The following CSMD1 variants were observed in gnomAD, a reference collection of about 807,000 sequenced individuals.
CSMD1 encodes CUB and sushi domain-containing protein 1.
In CSMD1, 213 loss-of-function variants were observed where a neutral mutation model predicts 417.5. The ratio of observed to expected loss-of-function variants is 0.51; its 90% CI spans 0.46 to 0.57. CSMD1 has a LOEUF of 0.57. CSMD1 is among the 20% of genes least tolerant of loss of function. The probability of loss-of-function intolerance (pLI) is 0.00; values close to 1 mark genes in which losing one functional copy is unlikely to be tolerated. For synonymous variants in CSMD1, 2,862 were observed against 1,736.8 expected, an observed-to-expected ratio of 1.65 and a Z score of -16.11; for missense variants, 6,923 against 4,529.7, an observed-to-expected ratio of 1.53 and a Z score of -15.17.
intron 1 of CSMD1, among the ~76,000 whole-genome samples, chr8:4,853,144 C>G (rs1203286291): frequency 6.6e-6 from 1 of 152,176 alleles, no homozygotes; most frequent in South Asian, 2.1e-4. Flanking sequence ...GGCTATGGAG[C>G]AAACACTTTC....
At chr8:4,657,423 T>C (rs1397836591) in intron 1 of CSMD1, among the ~76,000 whole-genome samples, 2 of 152,184 alleles carry the variant, frequency 1.3e-5, no homozygotes, top group Non-Finnish European at 2.9e-5. Flanking sequence ...CTTCCCTCTC[T>C]GTCTCTCTTT....
intron 5 of CSMD1, among the ~76,000 whole-genome samples, chr8:3,910,725 T>C (rs1218228714): frequency 2.0e-5 from 3 of 152,208 alleles, no homozygotes; most frequent in African/African-American, 4.8e-5. Context: ...ATTAAGGATA[T>C]AAAAACACAA....
intron 5 of CSMD1, among the ~76,000 whole-genome samples, chr8:3,941,903 G>A (rs1055089633): frequency 6.6e-6 from 1 of 152,094 alleles, no homozygotes; most frequent in African/African-American, 2.4e-5. Flanking sequence ...TAGGAATTGG[G>A]CCATACAGCA....
chr8:4,522,849 G>C (rs1014657541), intron 2 of CSMD1, among the ~76,000 whole-genome samples: 8 of 152,112 alleles, frequency 5.3e-5, no homozygotes, highest in Non-Finnish European at 8.8e-5. Context: ...TCCTTTTCAG[G>C]GAACCATGCC....
At chr8:4,748,321 G>C (rs1340780652) in intron 1 of CSMD1, among the ~76,000 whole-genome samples, 1 of 152,236 alleles carries the variant, frequency 6.6e-6, no homozygotes, top group African/African-American at 2.4e-5. Flanking sequence ...TGCACCATCT[G>C]AGTTGGAAAT....
intron 10 of CSMD1, among the ~76,000 whole-genome samples, chr8:3,554,881 TGA>T (rs1799075874): frequency 1.3e-5 from 2 of 152,124 alleles, no homozygotes; most frequent in South Asian, 4.2e-4. Flanking sequence ...CCTGCAGTGG[TGA>T]GAGTGTCACT....
chr8:4,910,741 C>A (rs6558937), intron 1 of CSMD1, among the ~76,000 whole-genome samples: 1 of 152,140 alleles, frequency 6.6e-6, no homozygotes, highest in African/African-American at 2.4e-5. Context: ...TAATAAAGCA[C>A]ATAATTATAT....
rs961158629 is a variant in CSMD1, at chr8:3,182,360, A to G, written c.5621-1146T>C. Among the ~76,000 whole-genome samples, 7 of 152,238 alleles carry G rather than the reference A, an allele frequency of 4.6e-5. No homozygotes were observed. The East Asian group carries it at 1.2e-3, about 25-fold the overall frequency. On this transcript the variant is annotated intron_variant, in intron 36 of 69. Transcript: ENST00000635120. Reference sequence around the variant, plus strand: ...TTCCCAAGTAGCTGAGATTACAGGCATGCTCCACCATGTCCTGCTAAGTTT... The same window carrying G: ...TTCCCAAGTAGCTGAGATTACAGGCGTGCTCCACCATGTCCTGCTAAGTTT...
intron 3 of CSMD1, among the ~76,000 whole-genome samples, chr8:4,357,247 G>A (rs1225851364): frequency 6.6e-6 from 1 of 152,138 alleles, no homozygotes; most frequent in Admixed American, 6.6e-5. Flanking sequence ...GCTAGAATTA[G>A]AGGTTCAGGG....
chr8:3,042,712 T>A (rs146103058), intron 50 of CSMD1, among the ~76,000 whole-genome samples: 67 of 152,282 alleles, frequency 4.4e-4, no homozygotes, highest in African/African-American at 1.5e-3. Context: ...AGGTTTGTTA[T>A]AAGAGCTCAG....
intron 25 of CSMD1, among the ~76,000 whole-genome samples, chr8:3,291,152 G>T (rs537169773): frequency 1.3e-5 from 2 of 152,182 alleles, no homozygotes; most frequent in African/African-American, 4.8e-5. Flanking sequence ...TGTTGAAGCA[G>T]CCTTGCATCC....
intron 3 of CSMD1, among the ~76,000 whole-genome samples, chr8:4,270,787 G>A (rs547981886): frequency 6.6e-6 from 1 of 152,232 alleles, no homozygotes; most frequent in East Asian, 1.9e-4. Flanking sequence ...AGGGGGCTGT[G>A]GCTTCCTTCC....
intron 3 of CSMD1, among the ~76,000 whole-genome samples, chr8:4,045,996 T>A (rs368461533): frequency 1.3e-5 from 2 of 152,280 alleles, no homozygotes; most frequent in South Asian, 4.1e-4. Context: ...TAATTCAAAA[T>A]AATGGTTCTA....
chr8:4,923,582 C>T (rs775124079), intron 1 of CSMD1, among the ~76,000 whole-genome samples: 4 of 143,444 alleles, frequency 2.8e-5, no homozygotes, highest in Non-Finnish European at 4.8e-5. Context: ...AAAATGAAGC[C>T]CTTGTGATAA....
intron 3 of CSMD1, among the ~76,000 whole-genome samples, chr8:4,109,206 G>C (rs995793380): frequency 3.3e-5 from 5 of 152,056 alleles, no homozygotes; most frequent in Admixed American, 6.6e-5. Flanking sequence ...AAAAAATCCT[G>C]AATATTTTCG....
rs553928594 is a variant in CSMD1, at chr8:3,027,316, C to T, written c.7855+2003G>A. Among the ~76,000 whole-genome samples, 131 of 152,192 alleles carry T rather than the reference C, an allele frequency of 8.6e-4. 1 individual carries two copies. In the South Asian group the frequency reaches 0.025, roughly 29 times the overall value. On this transcript the variant is annotated intron_variant, in intron 51 of 69. Transcript: ENST00000635120. The stretch of plus-strand genomic sequence containing the variant: ...TTCTCTGATACCATTCTCCACCAGA[C>T]GATACCAGGGCTTTTTGGAGAACAA...
chr8:2,971,199 A>G (rs1304916082), intron 57 of CSMD1, among the ~76,000 whole-genome samples: 1 of 152,154 alleles, frequency 6.6e-6, no homozygotes, highest in Admixed American at 6.6e-5. Context: ...AAGCTCTTGG[A>G]CATATTTTTA....
intron 3 of CSMD1, among the ~76,000 whole-genome samples, chr8:4,355,283 G>A (rs1017387701): frequency 6.6e-6 from 1 of 150,742 alleles, no homozygotes; most frequent in Non-Finnish European, 1.5e-5. Context: ...TACCTTTTGT[G>A]GACACAGGAA....
chr8:3,288,610 A>G (rs1341969379), intron 25 of CSMD1, among the ~76,000 whole-genome samples: 1 of 147,036 alleles, frequency 6.8e-6, no homozygotes, highest in African/African-American at 2.7e-5. Flanking sequence ...GTATTCTCTG[A>G]TGGTAGTTTG....
Sources: allele counts gnomAD v4.1 joint callset (sites outside exome capture counted in the v4.1 genomes callset), GRCh38; gene constraint gnomAD v4.1.1; transcripts MANE v1.5; gene names NCBI Gene and HGNC (gene_info 2026-07-23, HGNC 2026-07-21).